GSTM3: variants seen among roughly 807,000 people sequenced by gnomAD.
GSTM3 encodes the protein GST class-mu 3.
Under a neutral mutation model 36.1 loss-of-function variants are expected in GSTM3, and 34 were observed. The observed-to-expected ratio is 0.94, with a 90% CI of 0.72 to 1.25. The LOEUF is 1.25. Among genes scored for constraint, GSTM3 ranks in the 50% most tolerant of loss-of-function variants. The pLI is 0.00. For missense variants in GSTM3, 266 were observed against 281.6 expected (o/e 0.94, Z 0.40); for synonymous variants, 102 against 99.5 (o/e 1.03, Z -0.15).
At position 109,740,236 on chromosome 1, in the gene GSTM3, T is replaced by A. The variant is rs1033582463; in HGVS notation, c.48+4A>T. Reference sequence around the variant, plus strand: ...AGCGGCTCTACCGTTGAGACGGCACTCACCCCACGAATATCCCAGTACCCG... The same window carrying A: ...AGCGGCTCTACCGTTGAGACGGCACACACCCCACGAATATCCCAGTACCCG... On this transcript the variant is annotated splice_donor_region_variant and intron_variant, in intron 2 of 8. Transcript: ENST00000361066. The A allele has an allele frequency of 1.2e-6, 2 of 1,612,674 alleles. No homozygotes were observed. The highest frequency in any genetic ancestry group is 1.3e-5 in the African/African-American group (1 of 74,886).
rs999034920 is a variant in GSTM3, at chr1:109,738,347, C to T, written c.209G>A (p.Gly70Glu). The T allele has an allele frequency of 6.2e-7, 1 of 1,613,596 alleles. No individual in the cohort carries two copies. Among genetic ancestry groups the T allele is most frequent in the Admixed American group, 1.7e-5 (1 of 60,002 alleles). Residue 70 changes from glycine (G) to glutamate (E), a missense_variant, in exon 5 of 9, where the codon GGG becomes GAG. By Grantham distance (98) the Gly-to-Glu change is moderately conservative. Coordinates refer to ENST00000361066, the MANE Select transcript of GSTM3 (RefSeq NM_000849.5). ...ATTGCTCTGGGTGATCTTGTTCTTC[C>T]CATCCAGGAGGTAGGGCAGCTGAAA... ...DFPNLPYLLD[G>E]KNKITQSNAI...
intron 4 of GSTM3, among the ~76,000 whole-genome samples, 195 bp from the exon 5 acceptor site, chr1:109,738,561 T>C (rs890747544): frequency 7.2e-5 from 11 of 152,210 alleles, no homozygotes; most frequent in African/African-American, 2.7e-4. Flanking sequence ...AATTGGTGTG[T>C]GTATGTGTGA....
chr1:109,735,934 C>T lies in GSTM3; in HGVS notation c.*1137G>A, dbSNP rs970417040. On this transcript the variant is annotated 3_prime_UTR_variant, in exon 9 of 9. Coordinates refer to ENST00000361066, the MANE Select transcript of GSTM3 (RefSeq NM_000849.5). ...GGGATTACAGGCGTGAGCCACCAAG[C>T]CCGGCCATGGATGAGTTTTTATAGC... The T allele has an allele frequency of 2.6e-5, 4 of 152,164 alleles. No homozygotes were observed. Among genetic ancestry groups the T allele is most frequent in the African/African-American group, 9.7e-5 (4 of 41,448 alleles). 9.4% of individuals were successfully genotyped at this position (152,164 alleles called of 1,614,324 possible).
At chr1:109,739,936 C>T in intron 2 of GSTM3, 28 bp from the exon 3 acceptor site, 1 of 1,516,098 alleles carries the variant, frequency 6.6e-7, no homozygotes, top group Non-Finnish European at 9.0e-7. Flanking sequence ...TCAGCGACTG[C>T]GCAGCTCCCA....
rs953110638 is a variant in GSTM3 at position 109,738,436 on chromosome 1, G to T, written c.190-70C>A. The stretch of plus-strand genomic sequence containing the variant: ...TGATTCCCTACCTCTCTCTCCAGGG[G>T]AAAAGAACACTTGCAGGGCAGTGAA... On this transcript the variant is annotated intron_variant, in intron 4 of 8. Transcript: ENST00000361066. The T allele has an allele frequency of 6.0e-5, 59 of 986,464 alleles. No individual in the cohort carries two copies. In the African/African-American group the frequency reaches 8.1e-4, roughly 14 times the overall value. 61.1% of individuals were successfully genotyped at this position (986,464 alleles called of 1,614,324 possible). A position where few individuals can be genotyped will look rare whatever the true frequency, so the allele number is the denominator to read the frequency against.
Position 109,735,735 on chromosome 1 carries a change from C to G in GSTM3, c.*1336G>C, listed in dbSNP as rs1450338480. 6.7e-6 allele frequency: 1 copy of G among 149,190 alleles called. No individual in the cohort carries two copies. Among genetic ancestry groups the G allele is most frequent in the East Asian group, 2.0e-4 (1 of 4,998 alleles). The allele number at this position is 149,190 out of a possible 1,614,324, so 9.2% of individuals were successfully genotyped here. A position where few individuals can be genotyped will look rare whatever the true frequency, so the allele number is the denominator to read the frequency against. ...TCGGCTCACTGCAACCTCTGCCTCCCAGGTTCAAGCAATTCTCCTGCCTCA... is the reference window on the plus strand; with the variant it reads ...TCGGCTCACTGCAACCTCTGCCTCCGAGGTTCAAGCAATTCTCCTGCCTCA... On this transcript the variant is annotated 3_prime_UTR_variant, in exon 9 of 9. Transcript: ENST00000361066.
rs750798681 is a variant in GSTM3, at chr1:109,737,141, T to C, written c.608A>G (p.Gln203Arg). The change falls in exon 9 of 9, where the codon CAG (glutamine) becomes CGG (arginine). Residue 203 changes from glutamine (Q) to arginine (R), a missense_variant. By Grantham distance (43) the Gln-to-Arg change is conservative (BLOSUM62 1). Transcript: ENST00000361066. ...EALEKIAAYL[Q>R]SDQFCKMPIN... ...GGGCATCTTGCAGAACTGATCAGACTGTAAGTAGGCAGCGATTTTCTCCAA... is the reference window on the plus strand; with the variant it reads ...GGGCATCTTGCAGAACTGATCAGACCGTAAGTAGGCAGCGATTTTCTCCAA... The C allele has an allele frequency of 4.3e-6, 7 of 1,613,848 alleles. No homozygotes were observed. Among genetic ancestry groups the C allele is most frequent in the Non-Finnish European group, 5.9e-6 (7 of 1,179,710 alleles).
At position 109,738,309 on chromosome 1, in the gene GSTM3, A is replaced by G; in HGVS notation, c.247T>C (p.Tyr83His). 2 of 1,613,974 alleles carry G rather than the reference A, an allele frequency of 1.2e-6. No individual in the cohort carries two copies. The highest frequency in any genetic ancestry group is 8.5e-7 in the Non-Finnish European group (1 of 1,179,792). ...KITQSNAILR[Y>H]IARKHNMCGE... ...CACATGTTGTGCTTGCGAGCGATGT[A>G]GCGCAAGATGGCATTGCTCTGGGTG... The change falls in exon 5 of 9, where the codon TAC (tyrosine) becomes CAC (histidine). Residue 83 changes from tyrosine (Y) to histidine (H), a missense_variant. Tyr to His is a moderately conservative substitution (Grantham distance 83). Coordinates refer to ENST00000361066, the MANE Select transcript of GSTM3 (RefSeq NM_000849.5).
At chr1:109,737,257 C>G (rs1240745698) in intron 8 of GSTM3, 88 bp from the exon 9 acceptor site, 1 of 943,080 alleles carries the variant, frequency 1.1e-6, no homozygotes, top group Non-Finnish European at 1.7e-6. Flanking sequence ...GTGTTGCCTG[C>G]GTCTACCTCC....
intron 3 of GSTM3, 136 bp from the exon 4 acceptor site, chr1:109,739,629 C>A: frequency 1.3e-6 from 1 of 763,630 alleles, no homozygotes; most frequent in Non-Finnish European, 2.3e-6. Context: ...AGCCTCTGAG[C>A]CCTATTTGGT....
rs1367107486 is a variant in GSTM3 at position 109,740,437 on chromosome 1, C to T, written c.-150G>A. The T allele has an allele frequency of 3.0e-6, 2 of 668,296 alleles. No homozygotes were observed. Among genetic ancestry groups the T allele is most frequent in the Non-Finnish European group, 2.5e-6 (1 of 395,552 alleles). The allele number at this position is 668,296 out of a possible 1,614,324, so 41.4% of individuals were successfully genotyped here. A position where few individuals can be genotyped will look rare whatever the true frequency, so the allele number is the denominator to read the frequency against. Reference sequence around the variant, plus strand: ...CCTTGCCTCCGCGGCTCCACAGGGCCGTGCGCAGGCGCGACTAATGCCGGC... The same window carrying T: ...CCTTGCCTCCGCGGCTCCACAGGGCTGTGCGCAGGCGCGACTAATGCCGGC... On this transcript the variant is annotated 5_prime_UTR_variant, in exon 2 of 9. Coordinates refer to ENST00000361066, the MANE Select transcript of GSTM3 (RefSeq NM_000849.5).
chr1:109,738,002 C>T (rs1235340242), intron 6 of GSTM3, 89 bp downstream of exon 6: 3 of 834,292 alleles, frequency 3.6e-6, no homozygotes, highest in African/African-American at 3.3e-5. Flanking sequence ...AAGGTAGCAG[C>T]AGCAGAATGG....
chr1:109,739,362 G>T, intron 4 of GSTM3, 67 bp downstream of exon 4: 2 of 1,061,308 alleles, frequency 1.9e-6, no homozygotes, highest in Non-Finnish European at 2.9e-6. Context: ...CCAGGCAGGA[G>T]AGAGGCAAGG....
At chr1:109,739,401 G>A (rs772169956) in intron 4 of GSTM3, 28 bp downstream of exon 4, 2 of 1,551,356 alleles carry the variant, frequency 1.3e-6, no homozygotes, top group Non-Finnish European at 1.8e-6. Flanking sequence ...TTTCCCTTCT[G>A]CCCGCCACCT....
intron 5 of GSTM3, 25 bp from the exon 6 acceptor site, chr1:109,738,216 AC>A (rs1304053204): frequency 1.9e-6 from 3 of 1,598,200 alleles, no homozygotes; most frequent in Non-Finnish European, 2.6e-6. Flanking sequence ...ACAACAAATC[AC>A]CCTTGGCATC....
rs113741303 is a variant in GSTM3 at position 109,737,370 on chromosome 1, C to T, written c.579+87G>A. 3.8e-5 allele frequency: 36 copies of T among 947,910 alleles called. 1 individual carries two copies. The highest frequency in any genetic ancestry group is 2.6e-4 in the African/African-American group (16 of 62,322). The allele number at this position is 947,910 out of a possible 1,614,324, so 58.7% of individuals were successfully genotyped here. ...ACCATTGATCCCATTAGGCAAAAGC[C>T]GGGGAAGAATCCTCCACTATGGGAT... is the stretch of plus-strand genomic sequence containing the variant. On this transcript the variant is annotated intron_variant, in intron 8 of 8. Transcript: ENST00000361066.
rs781042131 is a variant in GSTM3 at position 109,740,191 on chromosome 1, C to T, written c.48+49G>A. On this transcript the variant is annotated intron_variant, in intron 2 of 8. Transcript: ENST00000361066. ...CGCGGACCCAGAGACCCGCCCTCTC[C>T]GCGTCAGTCTCTTTGACCGAGCGGC... 2.1e-5 allele frequency: 33 copies of T among 1,538,010 alleles called. 1 individual carries two copies. The highest frequency in any genetic ancestry group is 2.6e-5 in the Non-Finnish European group (29 of 1,113,780).
Position 109,736,719 on chromosome 1 carries a change from T to C in GSTM3, c.*352A>G, listed in dbSNP as rs569881681. 1 of 208,590 alleles carries C rather than the reference T, an allele frequency of 4.8e-6. No homozygotes were observed. Among genetic ancestry groups the C allele is most frequent in the East Asian group, 1.4e-4 (1 of 7,284 alleles). 12.9% of individuals were successfully genotyped at this position (208,590 alleles called of 1,614,324 possible). A position where few individuals can be genotyped will look rare whatever the true frequency, so the allele number is the denominator to read the frequency against. On this transcript the variant is annotated 3_prime_UTR_variant, in exon 9 of 9. Coordinates refer to ENST00000361066, the MANE Select transcript of GSTM3 (RefSeq NM_000849.5). ...CGGTTAAGTCCATCAGTACCACAGTTTTACTTGTGTTATCCTCACCCAGTC... is the reference window on the plus strand; with the variant it reads ...CGGTTAAGTCCATCAGTACCACAGTCTTACTTGTGTTATCCTCACCCAGTC...
Position 109,740,070 on chromosome 1 carries a change from C to G in GSTM3, c.49-162G>C, listed in dbSNP as rs1649323838. Reference sequence around the variant, plus strand: ...CCGGCGTGGTCTCCTCCGCCCCTCCCCACAGGGCCCGCGATCCCAGAGGCT... The same window carrying G: ...CCGGCGTGGTCTCCTCCGCCCCTCCGCACAGGGCCCGCGATCCCAGAGGCT... On this transcript the variant is annotated intron_variant, in intron 2 of 8. Coordinates refer to ENST00000361066, the MANE Select transcript of GSTM3 (RefSeq NM_000849.5). 1.5e-5 allele frequency: 13 copies of G among 876,198 alleles called. No individual in the cohort carries two copies. In the South Asian group the frequency reaches 1.9e-4, roughly 13 times the overall value. The allele number at this position is 876,198 out of a possible 1,614,324, so 54.3% of individuals were successfully genotyped here.
Sources: gnomAD v4.1 joint callset for allele counts (sites outside exome capture counted in the v4.1 genomes callset) on GRCh38, gnomAD v4.1.1 for gene constraint, MANE v1.5 for transcripts, NCBI Gene and HGNC (gene_info 2026-07-23, HGNC 2026-07-21) for gene names.